The following ASB15 variants were observed in gnomAD, a reference collection of about 807,000 sequenced individuals.
ASB15 encodes the protein ankyrin repeat and SOCS box containing 15.
ASB15 carries 54 observed loss-of-function variants against 58.0 expected under a neutral mutation model. The ratio of observed to expected loss-of-function variants is 0.93; its 90% confidence interval spans 0.75 to 1.17. ASB15 has a LOEUF of 1.17. Ranked by LOEUF, ASB15 falls within the 50% of genes most tolerant of loss-of-function variation. The pLI, the probability that ASB15 is intolerant of heterozygous loss-of-function variation, is 0.00. For synonymous variants in ASB15, 249 were observed against 262.4 expected (o/e 0.95, Z 0.50); for missense variants, 680 against 707.4 (o/e 0.96, Z 0.44).
At chr7:123,619,583 G>A (rs191940334) in intron 7 of ASB15, among the ~76,000 whole-genome samples, 1,852 of 152,184 alleles carry the variant, frequency 0.012, 35 homozygotes, top group African/African-American at 0.042. Context: ...GAGTGCAGTG[G>A]CGCAATCTCG....
intron 11 of ASB15, among the ~76,000 whole-genome samples, chr7:123,631,991 T>C (rs1448799756): frequency 1.3e-5 from 2 of 151,976 alleles, no homozygotes; most frequent in Non-Finnish European, 2.9e-5. Context: ...GGCAGGAGAA[T>C]GGCGTGAACC....
intron 2 of ASB15, among the ~76,000 whole-genome samples, chr7:123,605,326 TA>T (rs1800092459): frequency 6.6e-6 from 1 of 152,158 alleles, no homozygotes; most frequent in South Asian, 2.1e-4. Context: ...TGGCTACTAC[TA>T]AAAAGTCAAA....
At position 123,591,619 on chromosome 7, in the gene ASB15, T is replaced by C. The variant is rs117916531; in HGVS notation, c.-442-12413T>C. On this transcript the variant is annotated intron_variant, in intron 1 of 13. Transcript: ENST00000451558. ...ATTACATTTATTGATTTGTGTATAA[T>C]GAACCAGACTTGCATCCCAGGGATG... Among the ~76,000 whole-genome samples, 421 of 152,344 alleles carry C rather than the reference T, an allele frequency of 2.8e-3. 3 individuals carry two copies. Among genetic ancestry groups the C allele is most frequent in the Non-Finnish European group, 5.0e-3 (342 of 68,022 alleles).
intron 3 of ASB15, chr7:123,614,239 G>GAAAAA: frequency 3.3e-6 from 1 of 301,586 alleles, no homozygotes; most frequent in South Asian, 5.0e-5. Flanking sequence ...AGTCATTACT[G>GAAAAA]AAAAAAAAAA....
chr7:123,618,295 G>A (rs1217850261), intron 7 of ASB15, among the ~76,000 whole-genome samples: 3 of 145,156 alleles, frequency 2.1e-5, no homozygotes, highest in African/African-American at 7.3e-5. Flanking sequence ...TGAACAATAA[G>A]AATTGGCAAG....
At chr7:123,592,370 T>C in intron 1 of ASB15, among the ~76,000 whole-genome samples, 1 of 152,234 alleles carries the variant, frequency 6.6e-6, no homozygotes, top group East Asian at 1.9e-4. Flanking sequence ...CTTTTAATTG[T>C]GATGTTAGGG....
In ASB15 at chr7:123,628,957, A is replaced by G; in HGVS notation, c.963A>G (p.Ala321=). 1 of 1,610,574 alleles carries G rather than the reference A, an allele frequency of 6.2e-7. No individual in the cohort carries two copies. Among genetic ancestry groups the G allele is most frequent in the Non-Finnish European group, 8.5e-7 (1 of 1,178,222 alleles). ...PIHSAADGQN[A]QCLELLIENG... is the part of the protein sequence containing the mutation. ...ACTCAGCAGCAGATGGACAAAATGCACAGTGTCTAGAACTGCTCATTGAAA... is the reference window on the plus strand; with the variant it reads ...ACTCAGCAGCAGATGGACAAAATGCGCAGTGTCTAGAACTGCTCATTGAAA... The change falls in exon 10 of 12, where the codon GCA becomes GCG. Residue 321 remains alanine, a synonymous_variant. Coordinates refer to ENST00000451215, the MANE Select transcript of ASB15 (RefSeq NM_001290258.2).
chr7:123,601,274 A>AT (rs999065081), upstream of ASB15, among the ~76,000 whole-genome samples: 1 of 152,152 alleles, frequency 6.6e-6, no homozygotes, highest in Non-Finnish European at 1.5e-5. Flanking sequence ...TTTGCTACTC[A>AT]TTTTTTTAGA....
In ASB15 at chr7:123,629,129, G is replaced by A; in HGVS notation, c.1135G>A (p.Asp379Asn). 1.2e-6 allele frequency: 2 copies of A among 1,614,092 alleles called. No homozygotes were observed. The highest frequency in any genetic ancestry group is 1.3e-5 in the African/African-American group (1 of 75,032). Reference protein sequence around the residue: ...LLAAGADPNLDPLNCLLVAVR... With the variant: ...LLAAGADPNLNPLNCLLVAVR... ...GGCTGCAGGTGCAGACCCAAACTTA[G>A]ATCCCCTCAACTGTCTACTTGTTGC... Residue 379 changes from aspartate (D) to asparagine (N), a missense_variant, in exon 10 of 12, where the codon GAT (aspartate) becomes AAT (asparagine). Physicochemically the swap from Asp to Asn is conservative, Grantham distance 23. Coordinates refer to ENST00000451215, the MANE Select transcript of ASB15 (RefSeq NM_001290258.2).
chr7:123,614,365 C>G, intron 3 of ASB15, 136 bp from the exon 4 acceptor site: 2 of 608,848 alleles, frequency 3.3e-6, no homozygotes, highest in South Asian at 2.1e-5. Flanking sequence ...AAAATGTTAC[C>G]CACATTTGTA....
intron 11 of ASB15, among the ~76,000 whole-genome samples, chr7:123,636,241 T>C (rs1162998358): frequency 6.6e-6 from 1 of 152,166 alleles, no homozygotes; most frequent in Non-Finnish European, 1.5e-5. Flanking sequence ...AAAATCTCAA[T>C]CTTGCAATTA....
chr7:123,578,947 G>C (rs1180941018), intron 1 of ASB15, among the ~76,000 whole-genome samples: 1 of 151,924 alleles, frequency 6.6e-6, no homozygotes, highest in East Asian at 1.9e-4. Flanking sequence ...TACATATGCA[G>C]GTTTGTTACA....
chr7:123,606,555 A>T (rs1055682624), intron 2 of ASB15, among the ~76,000 whole-genome samples: 2 of 152,196 alleles, frequency 1.3e-5, no homozygotes, highest in African/African-American at 2.4e-5. Flanking sequence ...CTACAGTTAC[A>T]TTGTTGTACA....
intron 1 of ASB15, among the ~76,000 whole-genome samples, chr7:123,580,185 C>A (rs1799188497): frequency 6.6e-6 from 1 of 151,884 alleles, no homozygotes; most frequent in African/African-American, 2.4e-5. Flanking sequence ...TTTGAAAGGA[C>A]AAGATGAACA....
At chr7:123,590,797 C>G (rs989628034) in intron 1 of ASB15, among the ~76,000 whole-genome samples, 2 of 152,088 alleles carry the variant, frequency 1.3e-5, no homozygotes, top group South Asian at 4.2e-4. Flanking sequence ...TTTTTGGTTC[C>G]ATATGAACTT....
rs1801178064 is a variant in ASB15 at position 123,620,509 on chromosome 7, T to TAC, written c.451+2773_451+2774insCA. ...TAGTAATGTGACACATATACATACA[T>TAC]ATATATATATATATATATATATATA... is the stretch of plus-strand genomic sequence containing the variant. On this transcript the variant is annotated intron_variant, in intron 7 of 11. Coordinates refer to ENST00000451215, the MANE Select transcript of ASB15 (RefSeq NM_001290258.2). Among the ~76,000 whole-genome samples, 17 of 3,404 alleles carry TAC rather than the reference T, an allele frequency of 5.0e-3. No individual in the cohort carries two copies. The South Asian group carries it at 0.058, about 12-fold the overall frequency. The allele number at this position is 3,404 out of a possible 152,430, so 2.2% of individuals were successfully genotyped here.
At chr7:123,575,842 G>T (rs1208867077) in intron 1 of ASB15, among the ~76,000 whole-genome samples, 1 of 135,416 alleles carries the variant, frequency 7.4e-6, no homozygotes. Flanking sequence ...GAAATCCACT[G>T]ACACTCCTAG....
At chr7:123,612,874 T>C (rs776742874) in intron 3 of ASB15, among the ~76,000 whole-genome samples, 3 of 152,204 alleles carry the variant, frequency 2.0e-5, no homozygotes, top group African/African-American at 4.8e-5. Flanking sequence ...TCCCTGCTTT[T>C]ACTGAGTTAC....
intron 1 of ASB15, among the ~76,000 whole-genome samples, chr7:123,581,822 G>A (rs889135548): frequency 6.6e-6 from 1 of 151,884 alleles, no homozygotes; most frequent in Admixed American, 6.6e-5. Context: ...TCACTCCCAA[G>A]ACTGTCAAGT....
Sources: gnomAD v4.1 joint callset for allele counts (sites outside exome capture counted in the v4.1 genomes callset) on GRCh38, gnomAD v4.1.1 for gene constraint, MANE v1.5 for transcripts, NCBI Gene and HGNC (gene_info 2026-07-23, HGNC 2026-07-21) for gene names.